The following CACNB4 variants were observed in gnomAD, a reference collection of about 807,000 sequenced individuals.
CACNB4 encodes the protein voltage-dependent L-type calcium channel subunit beta-4.
A neutral mutation model predicts 71.2 loss-of-function variants in CACNB4; 32 were observed. The ratio of observed to expected loss-of-function variants is 0.45; its 90% CI spans 0.34 to 0.60. The LOEUF (loss-of-function observed/expected upper bound fraction) is 0.60. CACNB4 is among the 20% of genes least tolerant of loss of function. The pLI is 0.01. For missense variants in CACNB4, 464 were observed against 647.9 expected, an observed-to-expected ratio of 0.72 and a Z score of 3.08; for synonymous variants, 231 against 236.9, an observed-to-expected ratio of 0.97 and a Z score of 0.23.
intron 2 of CACNB4, among the ~76,000 whole-genome samples, chr2:152,040,720 C>T (rs1187252623): frequency 2.0e-5 from 3 of 152,132 alleles, no homozygotes; most frequent in East Asian, 1.9e-4. Context: ...GGATTACAGG[C>T]GTGAGCCACC....
At chr2:152,084,233 C>G (rs573513595) in intron 2 of CACNB4, among the ~76,000 whole-genome samples, 127 of 152,260 alleles carry the variant, frequency 8.3e-4, no homozygotes, top group South Asian at 2.7e-3. Context: ...CTGGGAGACA[C>G]TGGGCACAAG....
At chr2:152,071,915 T>C (rs530495116) in intron 2 of CACNB4, among the ~76,000 whole-genome samples, 11 of 152,306 alleles carry the variant, frequency 7.2e-5, no homozygotes, top group Admixed American at 5.2e-4. Context: ...CTCCTGCCAT[T>C]TAGGAACTGG....
intron 2 of CACNB4, among the ~76,000 whole-genome samples, chr2:151,932,034 CAGA>C (rs969330919): frequency 9.2e-5 from 14 of 151,918 alleles, no homozygotes; most frequent in African/African-American, 3.4e-4. Flanking sequence ...AAGAAACATA[CAGA>C]AGGAGAGACA....
intron 2 of CACNB4, among the ~76,000 whole-genome samples, chr2:152,052,240 T>C (rs1423856879): frequency 2.0e-5 from 3 of 152,268 alleles, no homozygotes; most frequent in South Asian, 2.1e-4. Flanking sequence ...TAATAAAGTA[T>C]TGAATGTCTC....
chr2:151,967,866 G>T (rs1579021737), intron 2 of CACNB4: 1 of 152,006 alleles, frequency 6.6e-6, no homozygotes, highest in South Asian at 2.1e-4. Flanking sequence ...AAGGACACAG[G>T]AAGTACTGAT....
At chr2:152,025,851 C>T (rs896518922) in intron 2 of CACNB4, among the ~76,000 whole-genome samples, 2 of 152,176 alleles carry the variant, frequency 1.3e-5, no homozygotes, top group Admixed American at 1.3e-4. Context: ...GTGAATTTTT[C>T]TTGTGTGGAT....
chr2:151,984,735 C>G (rs78344734), intron 2 of CACNB4, among the ~76,000 whole-genome samples: 1 of 152,138 alleles, frequency 6.6e-6, no homozygotes, highest in Non-Finnish European at 1.5e-5. Context: ...AGTTTCCTAA[C>G]ATCACACAAC....
At chr2:151,934,171 A>C (rs1458960739) in intron 2 of CACNB4, among the ~76,000 whole-genome samples, 1 of 152,242 alleles carries the variant, frequency 6.6e-6, no homozygotes, top group Non-Finnish European at 1.5e-5. Flanking sequence ...AGGGGACAAA[A>C]GGGAAAGGGA....
At chr2:151,984,183 T>C (rs1019694153) in intron 2 of CACNB4, among the ~76,000 whole-genome samples, 2 of 152,162 alleles carry the variant, frequency 1.3e-5, no homozygotes, top group African/African-American at 4.8e-5. Flanking sequence ...ATGGAGCAAT[T>C]GTTTTAACAT....
chr2:151,891,701 T>A (rs1357521966), intron 2 of CACNB4, among the ~76,000 whole-genome samples: 1 of 152,196 alleles, frequency 6.6e-6, no homozygotes, highest in Non-Finnish European at 1.5e-5. Flanking sequence ...ACACCCATGA[T>A]CATTTTTGCA....
intron 9 of CACNB4, chr2:151,861,790 C>A (rs2099841715): frequency 6.9e-6 from 1 of 145,518 alleles, no homozygotes; most frequent in African/African-American, 2.7e-5. Flanking sequence ...CCGCAGTGAG[C>A]CGAGATCACG....
At chr2:151,920,363 C>T (rs1233647771) in intron 2 of CACNB4, among the ~76,000 whole-genome samples, 1 of 115,818 alleles carries the variant, frequency 8.6e-6, no homozygotes, top group Non-Finnish European at 1.6e-5. Flanking sequence ...GCTCTGTTGT[C>T]CACAACGGAG....
intron 2 of CACNB4, among the ~76,000 whole-genome samples, chr2:152,088,060 T>C (rs1314492874): frequency 6.6e-6 from 1 of 151,464 alleles, no homozygotes; most frequent in Non-Finnish European, 1.5e-5. Context: ...GAATGACTGC[T>C]AACAGGGATA....
chr2:151,966,213 C>T (rs573026242), intron 2 of CACNB4, among the ~76,000 whole-genome samples: 6 of 152,310 alleles, frequency 3.9e-5, no homozygotes, highest in African/African-American at 1.4e-4. Flanking sequence ...TGCCCATGGT[C>T]ACTGTTAAGA....
intron 2 of CACNB4, among the ~76,000 whole-genome samples, chr2:151,898,989 A>G (rs1480873511): frequency 1.3e-5 from 2 of 152,246 alleles, no homozygotes; most frequent in Non-Finnish European, 2.9e-5. Flanking sequence ...TCCCAGAATC[A>G]TCCTGAAAGC....
chr2:151,974,135 A>G (rs1447619161), intron 2 of CACNB4: 1 of 185,374 alleles, frequency 5.4e-6, no homozygotes, highest in East Asian at 1.8e-4. Flanking sequence ...AACACTTATC[A>G]ATATCCAAAA....
chr2:151,880,940 G>A lies in CACNB4; in HGVS notation c.268-18C>T. 5 of 1,587,424 alleles carry A rather than the reference G, an allele frequency of 3.1e-6. No homozygotes were observed. The highest frequency in any genetic ancestry group is 4.3e-6 in the Non-Finnish European group (5 of 1,165,568). ...GGTTTGGACTAGGGACAGAACCATG[G>A]AATAAGGAATGAGGAAGGGAGGAGA... On this transcript the variant is annotated intron_variant, in intron 3 of 13. Coordinates refer to ENST00000539935, the MANE Select transcript of CACNB4 (RefSeq NM_000726.5).
At chr2:152,003,060 T>C (rs1386716723) in intron 2 of CACNB4, among the ~76,000 whole-genome samples, 1 of 152,248 alleles carries the variant, frequency 6.6e-6, no homozygotes, top group Non-Finnish European at 1.5e-5. Context: ...CCAGGGCCCA[T>C]GGAAAATATA....
intron 2 of CACNB4, among the ~76,000 whole-genome samples, chr2:152,017,797 C>A (rs1004192724): frequency 6.6e-6 from 1 of 151,982 alleles, no homozygotes; most frequent in Non-Finnish European, 1.5e-5. Context: ...TTTCCTCAGA[C>A]CTTTGATCAA....
Sources: gnomAD v4.1 joint callset for allele counts (sites outside exome capture counted in the v4.1 genomes callset) on GRCh38, gnomAD v4.1.1 for gene constraint, MANE v1.5 for transcripts, NCBI Gene and HGNC (gene_info 2026-07-23, HGNC 2026-07-21) for gene names.